Variants in ZNF469 observed in about 807,000 individuals in gnomAD.
ZNF469 encodes zinc finger protein 469.
Under a neutral mutation model 1.0 loss-of-function variants are expected in ZNF469, and 1 was observed. That is an observed-to-expected ratio of 1.00 (90% CI 0.35 to 4.73). The LOEUF (loss-of-function observed/expected upper bound fraction) is 4.73, where lower values mean the gene tolerates loss of function less well. Ranked by LOEUF, ZNF469 falls within the 30% of genes most tolerant of loss-of-function variation. The pLI is 0.16. For missense variants in ZNF469, 6,100 were observed against 5,356.3 expected (o/e 1.14, Z -4.33); for synonymous variants, 2,703 against 2,363.4 (o/e 1.14, Z -4.17).
chr16:88,247,171 T>TGAGTGAATGAGTGAGTGAATCAGC, the ZNF469 span, among the ~76,000 whole-genome samples: 1 of 150,774 alleles, frequency 6.6e-6, no homozygotes, highest in Non-Finnish European at 1.5e-5. Context: ...CGTGAATGAC[T>TGAGTGAATGAGTGAGTGAATCAGC]GAGTGAATGA....
At chr16:88,375,251 GC>G in the ZNF469 span, among the ~76,000 whole-genome samples, 1 of 152,218 alleles carries the variant, frequency 6.6e-6, no homozygotes, top group African/African-American at 2.4e-5. Context: ...AGGCTGGGCC[GC>G]CCTGAGGGCC....
the ZNF469 span, among the ~76,000 whole-genome samples, chr16:88,135,906 G>A: frequency 4.6e-5 from 7 of 151,890 alleles, no homozygotes; most frequent in African/African-American, 1.2e-4. Flanking sequence ...CACTACAGGC[G>A]CCGGCCAACA....
At chr16:88,392,209 G>T in intron 1 of ZNF469, among the ~76,000 whole-genome samples, 1 of 152,246 alleles carries the variant, frequency 6.6e-6, no homozygotes, top group East Asian at 1.9e-4. Flanking sequence ...TCAGGAAGTC[G>T]CGTGCGCTCT....
At chr16:88,397,344 A>G (rs957502083) in intron 1 of ZNF469, among the ~76,000 whole-genome samples, 1 of 152,166 alleles carries the variant, frequency 6.6e-6, no homozygotes, top group African/African-American at 2.4e-5. Flanking sequence ...GGTCAGTCCC[A>G]CTCGGGGCTT....
the ZNF469 span, among the ~76,000 whole-genome samples, chr16:88,206,624 G>A: frequency 6.6e-6 from 1 of 151,950 alleles, no homozygotes; most frequent in South Asian, 2.1e-4. Context: ...CAGCCAGAGT[G>A]GTGCTGGTTT....
In ZNF469 at chr16:88,429,315, A is replaced by C. The variant is rs1905949496; in HGVS notation, c.1845A>C (p.Pro615=). 1 of 1,549,808 alleles carries C rather than the reference A, an allele frequency of 6.5e-7. No individual in the cohort carries two copies. The highest frequency in any genetic ancestry group is 2.4e-5 in the East Asian group (1 of 40,894). The part of the protein sequence containing the change: ...CSSLSPMSSS[P]ANPSSEESQL... ...CCCTGTCGCCGATGTCCAGCAGCCC[A>C]GCCAACCCCAGCTCAGAGGAAAGCC... Residue 615 remains proline (P), a synonymous_variant, in exon 3 of 3, where the codon CCA becomes CCC. Coordinates refer to ENST00000565624, the MANE Select transcript of ZNF469 (RefSeq NM_001367624.2).
chr16:88,294,611 C>G, the ZNF469 span: 6 of 152,220 alleles, frequency 3.9e-5, no homozygotes, highest in African/African-American at 1.4e-4. Context: ...TGGAAATTGC[C>G]TCTTTAACCC....
Position 88,428,300 on chromosome 16 carries a change from T to G in ZNF469, c.830T>G (p.Phe277Cys). 1.3e-6 allele frequency: 2 copies of G among 1,550,300 alleles called. No homozygotes were observed. Among genetic ancestry groups the G allele is most frequent in the Non-Finnish European group, 1.7e-6 (2 of 1,146,928 alleles). Residue 277 changes from phenylalanine (F) to cysteine (C), a missense_variant, in exon 3 of 3, where the codon TTC becomes TGC. Phe to Cys is a radical substitution (Grantham distance 205). Coordinates refer to ENST00000565624, the MANE Select transcript of ZNF469 (RefSeq NM_001367624.2). ...SPRGVSFQFP[F>C]PALHGASTKP... The stretch of plus-strand genomic sequence containing the variant: ...AGGGGAGTTTCCTTCCAGTTCCCCT[T>G]CCCGGCACTGCATGGGGCCAGCACA...
the ZNF469 span, among the ~76,000 whole-genome samples, chr16:88,147,718 A>C: frequency 4.6e-5 from 7 of 151,918 alleles, no homozygotes; most frequent in Admixed American, 4.6e-4. Flanking sequence ...ATTCCAACAT[A>C]CCCCTTAGAC....
At chr16:88,360,805 C>T in the ZNF469 span, among the ~76,000 whole-genome samples, 30 of 152,102 alleles carry the variant, frequency 2.0e-4, 1 homozygote, top group East Asian at 2.7e-3. Flanking sequence ...ACAGTGCCCG[C>T]GTGCTCTCTC....
the ZNF469 span, among the ~76,000 whole-genome samples, chr16:88,239,695 ATATATATATATATATATATATTTT>A: frequency 8.7e-4 from 5 of 5,722 alleles, no homozygotes; most frequent in Non-Finnish European, 1.4e-3. Flanking sequence ...ATATATATAT[ATATATATATATATATATATATTTT>A]TTTTTTTTTT....
chr16:88,121,845 GCTT>G, the ZNF469 span, among the ~76,000 whole-genome samples: 1 of 152,168 alleles, frequency 6.6e-6, no homozygotes, highest in African/African-American at 2.4e-5. Context: ...GTCAAAATAC[GCTT>G]CTTTTTTACT....
At chr16:88,398,273 A>C (rs1044454333) in intron 1 of ZNF469, among the ~76,000 whole-genome samples, 9 of 152,206 alleles carry the variant, frequency 5.9e-5, no homozygotes, top group Non-Finnish European at 1.3e-4. Context: ...CCACGGACAA[A>C]GGGAAACGTG....
chr16:88,247,548 A>AGTGAATGAGTGAATGAATGAGTGAC, the ZNF469 span, among the ~76,000 whole-genome samples: 5 of 74,484 alleles, frequency 6.7e-5, no homozygotes, highest in Non-Finnish European at 1.6e-4. Context: ...GAATGAGTGA[A>AGTGAATGAGTGAATGAATGAGTGAC]TGAATGAGTG....
At chr16:88,218,842 A>G in the ZNF469 span, among the ~76,000 whole-genome samples, 7 of 150,654 alleles carry the variant, frequency 4.6e-5, no homozygotes, top group Non-Finnish European at 1.0e-4. Flanking sequence ...CTGTTTGCAG[A>G]CGACATGATT....
the ZNF469 span, among the ~76,000 whole-genome samples, chr16:88,175,250 A>G: frequency 6.6e-6 from 1 of 152,224 alleles, no homozygotes; most frequent in Non-Finnish European, 1.5e-5. Flanking sequence ...AACCTCACCA[A>G]CAGACACATC....
At chr16:88,256,942 CTTT>C in the ZNF469 span, among the ~76,000 whole-genome samples, 1 of 14,858 alleles carries the variant, frequency 6.7e-5, no homozygotes, top group Non-Finnish European at 1.4e-4. Flanking sequence ...TTCTTTCTTT[CTTT>C]CTTTCTTTTC....
At chr16:88,246,464 C>G in the ZNF469 span, among the ~76,000 whole-genome samples, 5 of 152,160 alleles carry the variant, frequency 3.3e-5, no homozygotes, top group South Asian at 2.1e-4. Context: ...GTTGAAGGAC[C>G]TGTAGGCATC....
chr16:88,283,881 AGTGCCTG>A, the ZNF469 span, among the ~76,000 whole-genome samples: 1 of 97,902 alleles, frequency 1.0e-5, no homozygotes, highest in African/African-American at 4.4e-5. Flanking sequence ...GTGTGTCCGG[AGTGCCTG>A]AGGTCTGTGG....
Sources: gnomAD v4.1 joint callset for allele counts (sites outside exome capture counted in the v4.1 genomes callset) on GRCh38, gnomAD v4.1.1 for gene constraint, MANE v1.5 for transcripts, NCBI Gene and HGNC (gene_info 2026-07-23, HGNC 2026-07-21) for gene names.